The following HMBOX1 variants were observed in gnomAD, a reference collection of about 807,000 sequenced individuals.
HMBOX1 encodes homeobox-containing protein 1.
Under a neutral mutation model 54.5 loss-of-function variants are expected in HMBOX1, and 14 were observed. The ratio of observed to expected loss-of-function variants is 0.26; its 90% CI spans 0.17 to 0.40. The LOEUF is 0.40. Ranked by LOEUF, HMBOX1 falls within the 10% of genes least tolerant of loss-of-function variation. The pLI, the probability that HMBOX1 is intolerant of heterozygous loss-of-function variation, is 1.00. For missense variants in HMBOX1, 332 were observed against 514.4 expected, an observed-to-expected ratio of 0.65 and a Z score of 3.43; for synonymous variants, 160 against 181.0, an observed-to-expected ratio of 0.88 and a Z score of 0.93.
At chr8:29,006,985 C>T (rs1345977650) in intron 4 of HMBOX1, among the ~76,000 whole-genome samples, 1 of 151,982 alleles carries the variant, frequency 6.6e-6, no homozygotes, top group African/African-American at 2.4e-5. Flanking sequence ...TTGTTTTCTT[C>T]ACCCTTTAAA....
At chr8:29,034,800 T>G (rs1803583748) in intron 6 of HMBOX1, among the ~76,000 whole-genome samples, 1 of 152,126 alleles carries the variant, frequency 6.6e-6, no homozygotes, top group South Asian at 2.1e-4. Flanking sequence ...GAAGTTGCCA[T>G]GAGCTGAGAT....
intron 1 of HMBOX1, among the ~76,000 whole-genome samples, chr8:28,896,976 A>G (rs952088905): frequency 6.8e-6 from 1 of 147,822 alleles, no homozygotes; most frequent in African/African-American, 2.5e-5. Context: ...AATATTGGCT[A>G]GGTTTTTTTT....
At chr8:28,902,712 A>G (rs868105795) in intron 1 of HMBOX1, among the ~76,000 whole-genome samples, 8 of 152,118 alleles carry the variant, frequency 5.3e-5, no homozygotes, top group South Asian at 2.1e-4. Context: ...TTTATGATCT[A>G]TCCTTGGAAA....
At chr8:28,936,129 T>C (rs1245578569) in intron 1 of HMBOX1, among the ~76,000 whole-genome samples, 1 of 152,172 alleles carries the variant, frequency 6.6e-6, no homozygotes, top group Non-Finnish European at 1.5e-5. Flanking sequence ...AAGATGTCTC[T>C]TTTTCACAAT....
intron 6 of HMBOX1, among the ~76,000 whole-genome samples, chr8:29,043,016 A>G (rs1805070184): frequency 6.6e-6 from 1 of 152,218 alleles, no homozygotes; most frequent in African/African-American, 2.4e-5. Flanking sequence ...CCTTGAAGAT[A>G]AAGTGTTGTC....
intron 1 of HMBOX1, among the ~76,000 whole-genome samples, chr8:28,933,965 A>C (rs567265044): frequency 6.6e-6 from 1 of 152,336 alleles, no homozygotes; most frequent in East Asian, 1.9e-4. Flanking sequence ...AACACTTCTC[A>C]ACTCATGAGG....
chr8:28,982,182 G>A lies in HMBOX1; in HGVS notation c.586+2026G>A, dbSNP rs530963440. The stretch of plus-strand genomic sequence containing the variant: ...TGGGAAGCGGAGCTTGCAGTGAGCC[G>A]AGATCGCGCCACTGCACTCCAGCCT... On this transcript the variant is annotated intron_variant, in intron 4 of 9. Coordinates refer to ENST00000287701, the MANE Select transcript of HMBOX1 (RefSeq NM_001135726.3). Among the ~76,000 whole-genome samples, 5 of 152,274 alleles carry A rather than the reference G, an allele frequency of 3.3e-5. No individual in the cohort carries two copies. In the East Asian group the frequency reaches 5.8e-4, roughly 18 times the overall value.
At chr8:29,008,946 A>C in intron 4 of HMBOX1, 126 bp from the exon 5 acceptor site, 1 of 621,224 alleles carries the variant, frequency 1.6e-6, no homozygotes, top group Non-Finnish European at 2.9e-6. Context: ...TAGTTTGCTC[A>C]GGTTGCAACT....
intron 6 of HMBOX1, among the ~76,000 whole-genome samples, chr8:29,024,650 TTACTA>T (rs1801739116): frequency 6.6e-6 from 1 of 152,254 alleles, no homozygotes. Context: ...AGGAATTTAA[TTACTA>T]TACAGTTACT....
At chr8:28,951,918 A>C (rs544494924) in intron 1 of HMBOX1, among the ~76,000 whole-genome samples, 1 of 152,202 alleles carries the variant, frequency 6.6e-6, no homozygotes, top group Admixed American at 6.5e-5. Flanking sequence ...CTGTAATCCC[A>C]GCACTTTAAG....
At chr8:29,018,225 G>C (rs1800630306) in intron 5 of HMBOX1, among the ~76,000 whole-genome samples, 1 of 152,180 alleles carries the variant, frequency 6.6e-6, no homozygotes, top group Non-Finnish European at 1.5e-5. Flanking sequence ...TTGTTAAATA[G>C]TGAATGAATG....
chr8:28,913,887 A>T (rs1276499584), intron 1 of HMBOX1, among the ~76,000 whole-genome samples: 2 of 86,892 alleles, frequency 2.3e-5, no homozygotes, highest in African/African-American at 9.4e-5. Flanking sequence ...GCGGGGGCGG[A>T]GGGATGGAGT....
intron 1 of HMBOX1, among the ~76,000 whole-genome samples, chr8:28,908,407 A>T (rs1421809929): frequency 1.3e-5 from 2 of 152,240 alleles, no homozygotes; most frequent in African/African-American, 4.8e-5. Flanking sequence ...TCTTTTAATT[A>T]TAAACTTGAA....
At chr8:28,980,863 A>G (rs972134108) in intron 4 of HMBOX1, among the ~76,000 whole-genome samples, 2 of 152,004 alleles carry the variant, frequency 1.3e-5, no homozygotes, top group Admixed American at 6.6e-5. Context: ...AGAACCGGAC[A>G]CTCTTTTCAA....
chr8:29,049,193 T>A, intron 9 of HMBOX1, 145 bp downstream of exon 9: 3 of 1,496,108 alleles, frequency 2.0e-6, no homozygotes, highest in Non-Finnish European at 2.7e-6. Context: ...CTAGTTAGAT[T>A]TCATGTAATT....
At chr8:28,915,385 G>A (rs369782839) in intron 1 of HMBOX1, among the ~76,000 whole-genome samples, 5 of 151,536 alleles carry the variant, frequency 3.3e-5, no homozygotes, top group East Asian at 3.9e-4. Context: ...GTGAAACCCC[G>A]TCTCTACTAA....
chr8:28,976,447 G>A (rs930690641), intron 3 of HMBOX1, among the ~76,000 whole-genome samples: 1 of 152,028 alleles, frequency 6.6e-6, no homozygotes, highest in Non-Finnish European at 1.5e-5. Flanking sequence ...GCCCAGTGGC[G>A]CAATCTTGGC....
intron 4 of HMBOX1, 132 bp downstream of exon 4, chr8:28,980,288 T>A: frequency 1.4e-6 from 1 of 706,502 alleles, no homozygotes; most frequent in Non-Finnish European, 2.5e-6. Context: ...TGTATGCCTG[T>A]GATTTAAAAC....
intron 2 of HMBOX1, among the ~76,000 whole-genome samples, chr8:28,964,747 A>G (rs780779634): frequency 1.0e-4 from 12 of 114,312 alleles, no homozygotes; most frequent in Non-Finnish European, 1.6e-4. Flanking sequence ...AGTAGATTCT[A>G]TGATATAGTG....
Sources: gnomAD v4.1 joint callset for allele counts (sites outside exome capture counted in the v4.1 genomes callset) on GRCh38, gnomAD v4.1.1 for gene constraint, MANE v1.5 for transcripts, NCBI Gene and HGNC (gene_info 2026-07-23, HGNC 2026-07-21) for gene names.